Variants in HEATR1 observed in about 807,000 individuals in gnomAD.
The protein encoded by HEATR1 is HEAT repeat containing 1.
HEATR1 carries 77 observed loss-of-function variants against 248.2 expected under a neutral mutation model. That is an observed-to-expected ratio of 0.31 (90% CI 0.26 to 0.37). The LOEUF (loss-of-function observed/expected upper bound fraction) is 0.37, where lower values mean the gene tolerates loss of function less well. Among genes scored for constraint, HEATR1 ranks in the 10% least tolerant of loss-of-function variants. HEATR1 has a pLI of 1.00. For missense variants in HEATR1, 2,420 were observed against 2,504.9 expected, an observed-to-expected ratio of 0.97 and a Z score of 0.72; for synonymous variants, 897 against 923.1, an observed-to-expected ratio of 0.97 and a Z score of 0.51.
rs1663002887 is a variant in HEATR1, at chr1:236,557,248, C to T, written c.5302G>A (p.Val1768Met). The T allele has an allele frequency of 1.2e-6, 2 of 1,614,080 alleles. No individual in the cohort carries two copies. The highest frequency in any genetic ancestry group is 3.3e-5 in the Admixed American group (2 of 60,008). ...CTGATGAAGTGCGGGAGAGTCTCCACAACCTTCTGCAGAGCAGCCAAGGCA... is the reference window on the plus strand; with the variant it reads ...CTGATGAAGTGCGGGAGAGTCTCCATAACCTTCTGCAGAGCAGCCAAGGCA... The part of the protein sequence containing the change: ...LSALAALQKV[V>M]ETLPHFISPY... The change falls in exon 37 of 45, where the codon GTG becomes ATG. Residue 1768 changes from valine to methionine, a missense_variant. Val to Met is a conservative substitution (Grantham distance 21, BLOSUM62 1). Transcript: ENST00000366582.
intron 20 of HEATR1, among the ~76,000 whole-genome samples, chr1:236,579,779 T>C (rs1352521605): frequency 2.0e-5 from 3 of 152,162 alleles, no homozygotes; most frequent in Non-Finnish European, 1.5e-5. Context: ...ACATATCTAC[T>C]TTAAATGTAA....
intron 17 of HEATR1, among the ~76,000 whole-genome samples, chr1:236,584,259 T>C (rs557163466): frequency 3.3e-4 from 51 of 152,328 alleles, no homozygotes; most frequent in African/African-American, 1.2e-3. Flanking sequence ...GTTCAGGTCA[T>C]CATACTTCAC....
rs565318114 is a variant in HEATR1, at chr1:236,558,129, T to C, written c.5204+108A>G. 2.2e-4 allele frequency: 266 copies of C among 1,234,184 alleles called. 1 individual carries two copies. In the East Asian group the frequency reaches 5.8e-3, roughly 27 times the overall value. The allele number at this position is 1,234,184 out of a possible 1,614,324, so 76.5% of individuals were successfully genotyped here. A position where few individuals can be genotyped will look rare whatever the true frequency, so the allele number is the denominator to read the frequency against. On this transcript the variant is annotated intron_variant, in intron 36 of 44. Transcript: ENST00000366582. ...AGATCAATTCTTTAACAAATTCCAA[T>C]TTTATGCAACGTCTACTCAGAGGAA... is the stretch of plus-strand genomic sequence containing the variant.
At position 236,556,278 on chromosome 1, in the gene HEATR1, G is replaced by A; in HGVS notation, c.5356-20C>T. ...AATCACCTACAGGAATATAAAAAAA[G>A]TGATCAGGGCCACTGCAGATCTTCG... On this transcript the variant is annotated intron_variant, in intron 37 of 44. Coordinates refer to ENST00000366582, the MANE Select transcript of HEATR1 (RefSeq NM_018072.6). 1 of 1,613,484 alleles carries A rather than the reference G, an allele frequency of 6.2e-7. No homozygotes were observed. Among genetic ancestry groups the A allele is most frequent in the East Asian group, 2.2e-5 (1 of 44,872 alleles).
rs752559522 is a variant in HEATR1, at chr1:236,604,088, G to A, written c.8C>T (p.Ser3Phe). The A allele has an allele frequency of 2.0e-5, 32 of 1,561,288 alleles. No individual in the cohort carries two copies. In the South Asian group the frequency reaches 3.2e-4, roughly 16 times the overall value. MT[S>F]LAQQLQRLAL... ...GAGTCGTTGCAGCTGCTGGGCTAAG[G>A]ACGTCATCTTTCACGCCAGCGGAGT... The change falls in exon 2 of 45, where the codon TCC becomes TTC. Residue 3 changes from serine (S) to phenylalanine (F), a missense_variant. Ser to Phe is a radical substitution (Grantham distance 155). Coordinates refer to ENST00000366582, the MANE Select transcript of HEATR1 (RefSeq NM_018072.6).
At chr1:236,565,520 C>A (rs1663246316) in intron 31 of HEATR1, among the ~76,000 whole-genome samples, 1 of 152,080 alleles carries the variant, frequency 6.6e-6, no homozygotes, top group South Asian at 2.1e-4. Flanking sequence ...CAAGGCTCTG[C>A]TGCATGGTAC....
In HEATR1 at chr1:236,550,971, T is replaced by G; in HGVS notation, c.6366A>C (p.Glu2122Asp). The G allele has an allele frequency of 6.3e-7, 1 of 1,592,336 alleles. No homozygotes were observed. The highest frequency in any genetic ancestry group is 1.1e-5 in the South Asian group (1 of 88,006). ...GCTGAATAGTCTTTTGGCACTGATG[T>G]TCTACTTCTTCACATTCATCTAAAA... Reference protein sequence around the residue: ...ELMEDECEEVEHQCQKTIQQL... With the variant: ...ELMEDECEEVDHQCQKTIQQL... The change falls in exon 45 of 45, where the codon GAA (glutamate) becomes GAC (aspartate). Residue 2122 changes from glutamate (E) to aspartate (D), a missense_variant. Glu to Asp is a conservative substitution (Grantham distance 45). Transcript: ENST00000366582.
chr1:236,569,754 G>A lies in HEATR1; in HGVS notation c.3949-630C>T, dbSNP rs566855722. Reference sequence around the variant, plus strand: ...ACTCCAAAGCTAAACATAAAATTCCGTGTGACCCAACAATTCCACTCCTAG... The same window carrying A: ...ACTCCAAAGCTAAACATAAAATTCCATGTGACCCAACAATTCCACTCCTAG... On this transcript the variant is annotated intron_variant, in intron 28 of 44. Coordinates refer to ENST00000366582, the MANE Select transcript of HEATR1 (RefSeq NM_018072.6). 9.2e-5 allele frequency among the ~76,000 whole-genome samples: 14 copies of A among 152,190 alleles called. 1 individual carries two copies. In the South Asian group the frequency reaches 2.5e-3, roughly 27 times the overall value.
At chr1:236,583,494 T>C (rs1376314497) in intron 17 of HEATR1, among the ~76,000 whole-genome samples, 1 of 149,648 alleles carries the variant, frequency 6.7e-6, no homozygotes, top group East Asian at 1.9e-4. Context: ...CTTTTTTTTT[T>C]TTTTTTTTTT....
chr1:236,603,705 T>G (rs2102804100), intron 2 of HEATR1, among the ~76,000 whole-genome samples: 1 of 151,906 alleles, frequency 6.6e-6, no homozygotes, highest in East Asian at 1.9e-4. Context: ...TTCTTCTCTT[T>G]GACATATTAG....
chr1:236,551,942 G>A, intron 44 of HEATR1, 57 bp downstream of exon 44: 1 of 1,182,218 alleles, frequency 8.5e-7, no homozygotes, highest in African/African-American at 1.5e-5. Context: ...CATTTTCACA[G>A]AATTTTACTG....
At position 236,583,191 on chromosome 1, in the gene HEATR1, G is replaced by T. The variant is rs375964082; in HGVS notation, c.2247C>A (p.Ile749=). 3 of 1,585,206 alleles carry T rather than the reference G, an allele frequency of 1.9e-6. No individual in the cohort carries two copies. Among genetic ancestry groups the T allele is most frequent in the Non-Finnish European group, 2.6e-6 (3 of 1,167,508 alleles). Residue 749 remains isoleucine, a synonymous_variant, in exon 18 of 45, where the codon ATC becomes ATA. Transcript: ENST00000366582. ...KLESVITAVE[I]PSEWHIELML... ...TCAGTTCAATGTGCCATTCTGAGGG[G>T]ATTTCCTGAAATGTTAAAGGAAACA...
chr1:236,599,573 T>G lies in HEATR1; in HGVS notation c.411A>C (p.Pro137=). The G allele has an allele frequency of 6.2e-7, 1 of 1,613,892 alleles. No individual in the cohort carries two copies. Among genetic ancestry groups the G allele is most frequent in the East Asian group, 2.2e-5 (1 of 44,848 alleles). ...GCACAAATATTCTTGTCTCGTGGTA[T>G]GGCAGAACACAAGCAATGAGGCTAT... ...NQDSLIACVL[P]YHETRIFVRV... The change falls in exon 4 of 45, where the codon CCA becomes CCC. Residue 137 remains proline (P), a synonymous_variant. Coordinates refer to ENST00000366582, the MANE Select transcript of HEATR1 (RefSeq NM_018072.6).
chr1:236,574,317 A>C lies in HEATR1; in HGVS notation c.3344T>G (p.Phe1115Cys), dbSNP rs979922845. 6.2e-7 allele frequency: 1 copy of C among 1,609,756 alleles called. No individual in the cohort carries two copies. Among genetic ancestry groups the C allele is most frequent in the Non-Finnish European group, 8.5e-7 (1 of 1,178,700 alleles). The change falls in exon 24 of 45, where the codon TTT becomes TGT. Residue 1115 changes from phenylalanine to cysteine, a missense_variant. Coordinates refer to ENST00000366582, the MANE Select transcript of HEATR1 (RefSeq NM_018072.6). ...TALEKITKPF[F>C]AAISDEKVQQ... ...AACTTTTTCATCTGATATGGCTGCA[A>C]AAAATGGTTTTGTAATCTAGAGGGG...
In HEATR1 at chr1:236,558,598, C is replaced by T. The variant is rs563475343; in HGVS notation, c.4912-69G>A. ...AAATGTTTGTCCATTTTCCCATTGT[C>T]ACAGCTTGAGATTGTCTAAATGGAA... On this transcript the variant is annotated intron_variant, in intron 35 of 44. Coordinates refer to ENST00000366582, the MANE Select transcript of HEATR1 (RefSeq NM_018072.6). The T allele has an allele frequency of 8.9e-6, 13 of 1,465,822 alleles. No homozygotes were observed. In the South Asian group the frequency reaches 1.7e-4, roughly 19 times the overall value. 90.8% of individuals were successfully genotyped at this position (1,465,822 alleles called of 1,614,324 possible).
chr1:236,592,723 C>G (rs1433764861), intron 9 of HEATR1, 90 bp from the exon 10 acceptor site: 1 of 578,716 alleles, frequency 1.7e-6, no homozygotes, highest in South Asian at 2.2e-5. Flanking sequence ...GAAATATTAT[C>G]TCTAATTGTC....
chr1:236,551,883 G>A, intron 44 of HEATR1, 116 bp downstream of exon 44: 1 of 711,914 alleles, frequency 1.4e-6, no homozygotes. Flanking sequence ...TATGAGGACT[G>A]GATCAACTGC....
chr1:236,566,121 AG>A (rs1663261835), intron 30 of HEATR1, 76 bp from the exon 31 acceptor site: 1 of 1,419,950 alleles, frequency 7.0e-7, no homozygotes, highest in Non-Finnish European at 9.6e-7. Context: ...AATGTGCGTT[AG>A]GATTTCTAGC....
intron 8 of HEATR1, among the ~76,000 whole-genome samples, chr1:236,595,326 TA>T (rs1664148126): frequency 6.6e-6 from 1 of 152,118 alleles, no homozygotes; most frequent in Non-Finnish European, 1.5e-5. Context: ...TTAAAAAAAG[TA>T]AAATTCTAAG....
Sources: gnomAD v4.1 joint callset for allele counts (sites outside exome capture counted in the v4.1 genomes callset) on GRCh38, gnomAD v4.1.1 for gene constraint, MANE v1.5 for transcripts, NCBI Gene and HGNC (gene_info 2026-07-23, HGNC 2026-07-21) for gene names.